ODAD2: variants seen among roughly 807,000 people sequenced by gnomAD.
ODAD2 encodes the protein outer dynein arm-docking complex subunit 2.
Under a neutral mutation model 106.8 loss-of-function variants are expected in ODAD2, and 89 were observed. That is an observed-to-expected ratio of 0.83 (90% CI 0.70 to 0.99). The LOEUF (loss-of-function observed/expected upper bound fraction) is 0.99, where lower values mean the gene tolerates loss of function less well. Among genes scored for constraint, ODAD2 ranks in the 50% least tolerant of loss-of-function variants. The pLI, the probability that ODAD2 is intolerant of heterozygous loss-of-function variation, is 0.00. For missense variants in ODAD2, 1,168 were observed against 1,238.5 expected (o/e 0.94, Z 0.85); for synonymous variants, 404 against 436.2 (o/e 0.93, Z 0.92).
At chr10:27,924,008 A>AAGAAAGAG (rs1554810840) in intron 16 of ODAD2, among the ~76,000 whole-genome samples, 8,174 of 104,236 alleles carry the variant, frequency 0.078, 1,114 homozygotes, top group Middle Eastern at 0.13. Flanking sequence ...GAAAGAAAGA[A>AAGAAAGAG]AGAAAGAAAG....
intron 14 of ODAD2, 27 bp downstream of exon 14, chr10:27,939,870 A>C: frequency 1.1e-4 from 165 of 1,458,592 alleles, no homozygotes; most frequent in Non-Finnish European, 1.4e-4. Flanking sequence ...AAAGAACGCC[A>C]ACAACCGCTG....
chr10:27,872,707 C>A (rs1380848782), intron 17 of ODAD2, among the ~76,000 whole-genome samples: 4 of 152,084 alleles, frequency 2.6e-5, no homozygotes, highest in African/African-American at 9.7e-5. Context: ...GGATGAAGCC[C>A]ACTTGATCAT....
At chr10:27,982,980 C>T (rs762522503) in intron 6 of ODAD2, among the ~76,000 whole-genome samples, 3 of 152,196 alleles carry the variant, frequency 2.0e-5, no homozygotes, top group Non-Finnish European at 4.4e-5. Context: ...GGTTATTAGG[C>T]TCCGTCATTA....
At chr10:27,893,016 C>G (rs12358199) in intron 17 of ODAD2, among the ~76,000 whole-genome samples, 100,661 of 151,862 alleles carry the variant, frequency 0.66, 33,687 homozygotes, top group Middle Eastern at 0.74. Flanking sequence ...AGGCATGGGG[C>G]TGCATGCTTG....
chr10:27,941,596 GTTTTTTT>G (rs371752746), intron 12 of ODAD2, among the ~76,000 whole-genome samples: 12 of 114,934 alleles, frequency 1.0e-4, no homozygotes, highest in Non-Finnish European at 1.6e-4. Flanking sequence ...CCAGCATCCA[GTTTTTTT>G]TTTTTTTTTT....
intron 8 of ODAD2, among the ~76,000 whole-genome samples, chr10:27,969,960 G>A (rs1187024734): frequency 6.6e-6 from 1 of 151,950 alleles, no homozygotes; most frequent in Non-Finnish European, 1.5e-5. Flanking sequence ...ACAAAAATTA[G>A]CCAGCCGTGG....
chr10:27,873,061 AC>A (rs56354437), intron 17 of ODAD2, among the ~76,000 whole-genome samples: 77,256 of 151,340 alleles, frequency 0.51, 21,939 homozygotes, highest in Middle Eastern at 0.67. Context: ...GAGGGATTCA[AC>A]TTCTTCCTGG....
At chr10:27,928,890 G>A (rs905441413) in intron 16 of ODAD2, among the ~76,000 whole-genome samples, 1 of 151,990 alleles carries the variant, frequency 6.6e-6, no homozygotes, top group Non-Finnish European at 1.5e-5. Context: ...AATGACATAG[G>A]TACCATACTA....
intron 17 of ODAD2, among the ~76,000 whole-genome samples, chr10:27,864,082 G>T (rs1363049802): frequency 6.6e-6 from 1 of 151,976 alleles, no homozygotes; most frequent in African/African-American, 2.4e-5. Flanking sequence ...TGGGTGCAAA[G>T]AATGGTATAG....
intron 19 of ODAD2, among the ~76,000 whole-genome samples, chr10:27,836,358 C>T (rs1046221563): frequency 6.6e-6 from 1 of 152,096 alleles, no homozygotes; most frequent in Non-Finnish European, 1.5e-5. Context: ...CCCAGATCTG[C>T]TAACACCAAA....
intron 7 of ODAD2, among the ~76,000 whole-genome samples, chr10:27,981,216 G>C (rs1849520820): frequency 6.6e-6 from 1 of 152,072 alleles, no homozygotes; most frequent in Non-Finnish European, 1.5e-5. Flanking sequence ...TCAAGTTCGA[G>C]AGACGAAAAA....
intron 16 of ODAD2, among the ~76,000 whole-genome samples, chr10:27,925,919 T>C (rs998972280): frequency 2.0e-5 from 3 of 151,338 alleles, no homozygotes; most frequent in African/African-American, 7.3e-5. Context: ...GACAGGAGAA[T>C]TGCTTGAGCC....
chr10:27,857,843 T>C (rs1253105144), intron 19 of ODAD2, among the ~76,000 whole-genome samples: 9 of 152,232 alleles, frequency 5.9e-5, no homozygotes, highest in Admixed American at 5.9e-4. Flanking sequence ...AAAGAGCCTG[T>C]CAACATTCAC....
chr10:27,917,386 A>C (rs1288954940), intron 16 of ODAD2, among the ~76,000 whole-genome samples: 2 of 152,120 alleles, frequency 1.3e-5, no homozygotes, highest in African/African-American at 4.8e-5. Flanking sequence ...CTTAAAGAAA[A>C]ATGTATACCT....
At position 27,944,366 on chromosome 10, in the gene ODAD2, G is replaced by T. The variant is rs939024898; in HGVS notation, c.1599C>A (p.Asp533Glu). The T allele has an allele frequency of 1.9e-6, 3 of 1,613,756 alleles. No homozygotes were observed. The highest frequency in any genetic ancestry group is 1.7e-5 in the Admixed American group (1 of 59,976). ...HNPQIRQNIV[D>E]LGGLPIMVNI... Reference sequence around the variant, plus strand: ...TCACCATAATTGGTAAGCCCCCAAGGTCAACAATATTCTGTCTGATTTGAG... The same window carrying T: ...TCACCATAATTGGTAAGCCCCCAAGTTCAACAATATTCTGTCTGATTTGAG... The change falls in exon 12 of 20, where the codon GAC becomes GAA. Residue 533 changes from aspartate (D) to glutamate (E), a missense_variant. Asp to Glu is a conservative substitution (Grantham distance 45). Around this residue, in one of 3 missense-constraint regions of ODAD2, gnomAD observed 701 missense variants for 712.3 expected, o/e 0.98. Coordinates refer to ENST00000305242, the MANE Select transcript of ODAD2 (RefSeq NM_018076.5).
At chr10:27,823,996 C>A (rs560592674) in intron 19 of ODAD2, among the ~76,000 whole-genome samples, 7 of 138,170 alleles carry the variant, frequency 5.1e-5, no homozygotes, top group Non-Finnish European at 7.5e-5. Context: ...AAAAATTAGC[C>A]GGGCGAGGTG....
intron 10 of ODAD2, among the ~76,000 whole-genome samples, chr10:27,952,741 C>T (rs1847446631): frequency 6.6e-6 from 1 of 152,118 alleles, no homozygotes; most frequent in Admixed American, 6.5e-5. Context: ...TTTATTTGCT[C>T]CATCGTTTAA....
At chr10:27,842,247 C>T (rs1048145453) in intron 19 of ODAD2, among the ~76,000 whole-genome samples, 11 of 152,126 alleles carry the variant, frequency 7.2e-5, no homozygotes, top group African/African-American at 2.4e-4. Context: ...GAGGGTTATG[C>T]GAGCCTTGGG....
intron 3 of ODAD2, 97 bp downstream of exon 3, chr10:27,987,289 C>G: frequency 1.8e-6 from 2 of 1,087,140 alleles, no homozygotes; most frequent in Non-Finnish European, 2.6e-6. Context: ...GAATCTTTTT[C>G]AAGAGACTCT....
Sources: gnomAD v4.1 joint callset for allele counts (sites outside exome capture counted in the v4.1 genomes callset) on GRCh38, gnomAD v4.1.1 for gene constraint, gnomAD v4.1.1 regional missense constraint, MANE v1.5 for transcripts, NCBI Gene and HGNC (gene_info 2026-07-23, HGNC 2026-07-21) for gene names.